ARHGAP24: variants seen among roughly 807,000 people sequenced by gnomAD.
The protein encoded by ARHGAP24 is Rho GTPase activating protein 24, also known as rho GTPase-activating protein 24.
In ARHGAP24, 50 loss-of-function variants were observed where a neutral mutation model predicts 76.4. The observed-to-expected ratio is 0.65, with a 90% CI of 0.52 to 0.83. ARHGAP24 has a LOEUF of 0.83. ARHGAP24 is among the 40% of genes least tolerant of loss of function. The probability of loss-of-function intolerance (pLI) is 0.00; values close to 1 mark genes in which losing one functional copy is unlikely to be tolerated. For missense variants in ARHGAP24, 930 were observed against 914.2 expected (o/e 1.02, Z -0.22); for synonymous variants, 345 against 323.3 (o/e 1.07, Z -0.72).
chr4:85,676,411 C>T (rs535368658), intron 2 of ARHGAP24, among the ~76,000 whole-genome samples: 305 of 152,138 alleles, frequency 2.0e-3, no homozygotes, highest in Non-Finnish European at 3.7e-3. Flanking sequence ...TGATTTTTTT[C>T]ATTATAATTT....
At chr4:85,699,730 A>G (rs1304343226) in intron 2 of ARHGAP24, among the ~76,000 whole-genome samples, 1 of 151,990 alleles carries the variant, frequency 6.6e-6, no homozygotes, top group African/African-American at 2.4e-5. Flanking sequence ...TCTTTTCTGA[A>G]CAGTCATTAT....
At chr4:85,683,107 T>TGGGGGGGG (rs1310671945) in intron 2 of ARHGAP24, among the ~76,000 whole-genome samples, 25 of 12,820 alleles carry the variant, frequency 2.0e-3, no homozygotes, top group Admixed American at 3.8e-3. Flanking sequence ...TCTCTCAGTG[T>TGGGGGGGG]GTGGGGGGGT....
At chr4:85,662,911 G>A (rs1294061618) in intron 2 of ARHGAP24, among the ~76,000 whole-genome samples, 1 of 152,040 alleles carries the variant, frequency 6.6e-6, no homozygotes, top group Non-Finnish European at 1.5e-5. Flanking sequence ...TGCTGTTTTG[G>A]TTACTGTAGC....
intron 3 of ARHGAP24, among the ~76,000 whole-genome samples, chr4:85,761,796 T>A (rs56989679): frequency 6.6e-6 from 1 of 152,058 alleles, no homozygotes; most frequent in Non-Finnish European, 1.5e-5. Context: ...GATGTCTTTT[T>A]ACCTCAGGTT....
chr4:85,726,233 G>C (rs927613576), intron 3 of ARHGAP24, among the ~76,000 whole-genome samples: 2 of 152,128 alleles, frequency 1.3e-5, no homozygotes, highest in South Asian at 4.2e-4. Context: ...AGCCTCTTTT[G>C]GGGGGTGGGG....
At chr4:85,658,162 T>C (rs1722242498) in intron 2 of ARHGAP24, among the ~76,000 whole-genome samples, 1 of 152,238 alleles carries the variant, frequency 6.6e-6, no homozygotes, top group South Asian at 2.1e-4. Flanking sequence ...TTTCTCTCCA[T>C]TAATGTTGAA....
intron 3 of ARHGAP24, among the ~76,000 whole-genome samples, chr4:85,738,867 T>C (rs1725704640): frequency 6.6e-6 from 1 of 152,236 alleles, no homozygotes; most frequent in Non-Finnish European, 1.5e-5. Flanking sequence ...GGATGAGTTT[T>C]TCTCCCTCTG....
chr4:85,701,531 C>G (rs2110026515), intron 2 of ARHGAP24, among the ~76,000 whole-genome samples: 1 of 152,170 alleles, frequency 6.6e-6, no homozygotes, highest in South Asian at 2.1e-4. Context: ...CCGTATGCAT[C>G]TTAAGATGGC....
chr4:85,566,061 G>T (rs1726832823), intron 1 of ARHGAP24, among the ~76,000 whole-genome samples: 1 of 152,180 alleles, frequency 6.6e-6, no homozygotes, highest in Non-Finnish European at 1.5e-5. Context: ...CTATGGCGTG[G>T]TACAGTAGCC....
At chr4:85,525,079 A>C (rs1297242314) in intron 1 of ARHGAP24, among the ~76,000 whole-genome samples, 1 of 152,098 alleles carries the variant, frequency 6.6e-6, no homozygotes, top group Non-Finnish European at 1.5e-5. Context: ...AGTCCAACAT[A>C]GTTTAGTTGG....
At chr4:85,741,323 A>G (rs1005548866) in intron 3 of ARHGAP24, among the ~76,000 whole-genome samples, 2 of 152,222 alleles carry the variant, frequency 1.3e-5, no homozygotes, top group African/African-American at 2.4e-5. Flanking sequence ...TAGAGACTCT[A>G]TGGTGCTATC....
At chr4:85,917,210 A>T (rs559854595) in intron 3 of ARHGAP24, among the ~76,000 whole-genome samples, 1 of 151,920 alleles carries the variant, frequency 6.6e-6, no homozygotes, top group East Asian at 1.9e-4. Context: ...ATGATTTCCA[A>T]TTTCATCCAT....
At chr4:85,997,085 G>A (rs539200709) in intron 9 of ARHGAP24, among the ~76,000 whole-genome samples, 1 of 152,296 alleles carries the variant, frequency 6.6e-6, no homozygotes, top group African/African-American at 2.4e-5. Context: ...CCTCATGACA[G>A]GCCAAGGGAG....
At chr4:85,643,769 C>CA (rs1370234812) in intron 2 of ARHGAP24, among the ~76,000 whole-genome samples, 1 of 151,922 alleles carries the variant, frequency 6.6e-6, no homozygotes, top group Non-Finnish European at 1.5e-5. Flanking sequence ...TGGTTTTCAG[C>CA]AAAAATTTGC....
At chr4:85,508,722 G>A (rs1371562270) in intron 1 of ARHGAP24, among the ~76,000 whole-genome samples, 1 of 152,144 alleles carries the variant, frequency 6.6e-6, no homozygotes, top group Non-Finnish European at 1.5e-5. Context: ...ATAAACCACT[G>A]CTTTCATCAT....
At chr4:85,990,052 G>A (rs1740231483) in intron 8 of ARHGAP24, 1 of 151,600 alleles carries the variant, frequency 6.6e-6, no homozygotes, top group African/African-American at 2.4e-5. Flanking sequence ...AAAATTCTTT[G>A]TAATCGACAA....
intron 2 of ARHGAP24, among the ~76,000 whole-genome samples, chr4:85,584,720 C>T (rs978664378): frequency 6.6e-6 from 1 of 152,034 alleles, no homozygotes; most frequent in African/African-American, 2.4e-5. Context: ...TGGGCAGGAT[C>T]CAAACTAGTG....
chr4:85,694,115 T>C (rs1353989145), intron 2 of ARHGAP24, among the ~76,000 whole-genome samples: 1 of 152,160 alleles, frequency 6.6e-6, no homozygotes, highest in African/African-American at 2.4e-5. Flanking sequence ...CATCTCCGTC[T>C]ACTCCTAGCA....
intron 1 of ARHGAP24, among the ~76,000 whole-genome samples, chr4:85,554,805 G>C (rs2110131511): frequency 6.6e-6 from 1 of 151,404 alleles, no homozygotes; most frequent in African/African-American, 2.4e-5. Flanking sequence ...TGAGTAGCTG[G>C]GACTACAGGT....
Sources: allele counts gnomAD v4.1 joint callset (sites outside exome capture counted in the v4.1 genomes callset), GRCh38; gene constraint gnomAD v4.1.1; transcripts MANE v1.5; gene names NCBI Gene and HGNC (gene_info 2026-07-23, HGNC 2026-07-21).